The following AEBP1 variants were observed in gnomAD, a reference collection of about 807,000 sequenced individuals.
The protein encoded by AEBP1 is AE binding protein 1, also known as adipocyte enhancer-binding protein 1.
In AEBP1, 69 loss-of-function variants were observed where a neutral mutation model predicts 116.5. The observed-to-expected ratio is 0.59, with a 90% CI of 0.49 to 0.72. The LOEUF (loss-of-function observed/expected upper bound fraction) is 0.72, where lower values mean the gene tolerates loss of function less well. Among genes scored for constraint, AEBP1 ranks in the 30% least tolerant of loss-of-function variants. The pLI is 0.00. For missense variants in AEBP1, 1,444 were observed against 1,557.5 expected (o/e 0.93, Z 1.23); for synonymous variants, 627 against 627.3 (o/e 1.00, Z 0.01).
Position 44,104,611 on chromosome 7 carries a change from C to T in AEBP1, c.-55C>T. The T allele has an allele frequency of 7.8e-7, 1 of 1,277,032 alleles. No homozygotes were observed. Among genetic ancestry groups the T allele is most frequent in the Non-Finnish European group, 1.0e-6 (1 of 976,926 alleles). The allele number at this position is 1,277,032 out of a possible 1,614,324, so 79.1% of individuals were successfully genotyped here. Reference sequence around the variant, plus strand: ...CCCCTCTCCGCCCTTTCCCAGAGACCCAGAGCCCCTGACCCCCCGCGCCCT... The same window carrying T: ...CCCCTCTCCGCCCTTTCCCAGAGACTCAGAGCCCCTGACCCCCCGCGCCCT... On this transcript the variant is annotated 5_prime_UTR_variant, in exon 1 of 21. Coordinates refer to ENST00000223357, the MANE Select transcript of AEBP1 (RefSeq NM_001129.5).
At chr7:44,106,293 T>C (rs551161434) in intron 1 of AEBP1, 11 of 657,666 alleles carry the variant, frequency 1.7e-5, no homozygotes, top group South Asian at 1.4e-4. Context: ...GGCCTCCCCC[T>C]GGGAACTGGG....
intron 9 of AEBP1, 76 bp from the exon 10 acceptor site, chr7:44,109,939 T>G: frequency 1.5e-6 from 2 of 1,367,386 alleles, no homozygotes; most frequent in Non-Finnish European, 1.0e-6. Context: ...GAGTGGGCTC[T>G]GGGCTCCTTG....
rs868702419 is a variant in AEBP1, at chr7:44,111,160, A to G, written c.1637A>G (p.Tyr546Cys). 5.8e-6 allele frequency: 9 copies of G among 1,546,060 alleles called. No homozygotes were observed. Among genetic ancestry groups the G allele is most frequent in the African/African-American group, 4.1e-5 (3 of 73,170 alleles). Residue 546 changes from tyrosine (Y) to cysteine (C), a missense_variant, in exon 14 of 21, where the codon TAC becomes TGC. Physicochemically the swap from Tyr to Cys is radical, Grantham distance 194. Coordinates refer to ENST00000223357, the MANE Select transcript of AEBP1 (RefSeq NM_001129.5). This position sits in a 1 kb window ranked among gnomAD's most constrained non-coding sequence, Gnocchi z 4.7. Reference protein sequence around the residue: ...EVLGCSVAPVYSYYAQNEVVA... With the variant: ...EVLGCSVAPVCSYYAQNEVVA... ...AACCCCGCCTCCCTTGCAGCTGTCT[A>G]CAGCTACTACGCACAGAATGAGGTG...
Position 44,110,264 on chromosome 7 carries a change from A to G in AEBP1, c.1318A>G (p.Arg440Gly), listed in dbSNP as rs1180453014. 1 of 1,613,786 alleles carries G rather than the reference A, an allele frequency of 6.2e-7. No individual in the cohort carries two copies. The highest frequency in any genetic ancestry group is 8.5e-7 in the Non-Finnish European group (1 of 1,180,002). The change falls in exon 11 of 21, where the codon AGG (arginine) becomes GGG (glycine). Residue 440 changes from arginine to glycine, a missense_variant. Coordinates refer to ENST00000223357, the MANE Select transcript of AEBP1 (RefSeq NM_001129.5). ...DGAWCAEDDA[R>G]TQWIEVDTRR... is the part of the protein sequence containing the mutation. ...TGCGTGGTGTGCCGAGGACGATGCC[A>G]GGACCCAGTGGATAGAGGTGGACAC... is the stretch of plus-strand genomic sequence containing the variant.
rs752373864 is a variant in AEBP1, at chr7:44,112,929, G to A, written c.2569+20G>A. The A allele has an allele frequency of 3.7e-6, 6 of 1,611,904 alleles. No homozygotes were observed. The South Asian group carries it at 6.6e-5, about 18-fold the overall frequency. On this transcript the variant is annotated intron_variant, in intron 18 of 20. Transcript: ENST00000223357. The surrounding 1 kb of genome is among the most constrained non-coding windows in gnomAD (Gnocchi z 6.6). ...CCGGGAGTGAGTCAGCCTGGGAGGG[G>A]CTGTGGGCGGGGCCTGGTCCGGAGA... is the stretch of plus-strand genomic sequence containing the variant.
chr7:44,109,609 C>A, intron 9 of AEBP1: 1 of 585,844 alleles, frequency 1.7e-6, no homozygotes. Flanking sequence ...GACCTGGGGC[C>A]TTGGTGGGGA....
rs754947274 is a variant in AEBP1, at chr7:44,110,715, C to T, written c.1401-10C>T. The stretch of plus-strand genomic sequence containing the variant: ...GAAGACCCTTGCTCTGACCACTGTC[C>T]ACTCCACAGTGACGATTTTGTGACC... On this transcript the variant is annotated splice_polypyrimidine_tract_variant and intron_variant, in intron 11 of 20. Coordinates refer to ENST00000223357, the MANE Select transcript of AEBP1 (RefSeq NM_001129.5). 4.0e-6 allele frequency: 6 copies of T among 1,518,926 alleles called. No individual in the cohort carries two copies. The highest frequency in any genetic ancestry group is 1.4e-5 in the African/African-American group (1 of 71,872). The allele number at this position is 1,518,926 out of a possible 1,614,324, so 94.1% of individuals were successfully genotyped here. A position where few individuals can be genotyped will look rare whatever the true frequency, so the allele number is the denominator to read the frequency against.
intron 1 of AEBP1, 81 bp downstream of exon 1, chr7:44,104,999 T>C: frequency 8.6e-7 from 1 of 1,163,780 alleles, no homozygotes; most frequent in Non-Finnish European, 1.2e-6. Context: ...GTCTGGCCAC[T>C]CCCCAGTCTG....
chr7:44,113,887 C>G lies in AEBP1; in HGVS notation c.3103C>G (p.Leu1035Val). 2.5e-6 allele frequency: 4 copies of G among 1,613,332 alleles called. No homozygotes were observed. Among genetic ancestry groups the G allele is most frequent in the Non-Finnish European group, 3.4e-6 (4 of 1,179,962 alleles). Residue 1035 changes from leucine (L) to valine (V), a missense_variant, in exon 21 of 21, where the codon CTG becomes GTG. Leu to Val is a conservative substitution (Grantham distance 32, BLOSUM62 1). Coordinates refer to ENST00000223357, the MANE Select transcript of AEBP1 (RefSeq NM_001129.5). The surrounding 1 kb of genome is among the most constrained non-coding windows in gnomAD (Gnocchi z 5.3). ...HRLRLRAQMR[L>V]RRLNATTTLG... ...CCTGCGGCTTCGGGCACAGATGCGG[C>G]TGCGGCGCCTCAACGCCACCACCAC... is the stretch of plus-strand genomic sequence containing the variant.
In AEBP1 at chr7:44,107,288, A is replaced by C; in HGVS notation, c.596-151A>C. ...AGATGCCAGCAGGATGCTGAAGGCCAGAGGAGCTCAGGCCTCCTTGGAGTG... is the reference window on the plus strand; with the variant it reads ...AGATGCCAGCAGGATGCTGAAGGCCCGAGGAGCTCAGGCCTCCTTGGAGTG... On this transcript the variant is annotated intron_variant, in intron 2 of 20. Coordinates refer to ENST00000223357, the MANE Select transcript of AEBP1 (RefSeq NM_001129.5). This position sits in a 1 kb window ranked among gnomAD's most constrained non-coding sequence, Gnocchi z 4.3. 1 of 725,938 alleles carries C rather than the reference A, an allele frequency of 1.4e-6. No individual in the cohort carries two copies. Among genetic ancestry groups the C allele is most frequent in the Non-Finnish European group, 2.3e-6 (1 of 432,178 alleles). The allele number at this position is 725,938 out of a possible 1,614,324, so 45.0% of individuals were successfully genotyped here. A position where few individuals can be genotyped will look rare whatever the true frequency, so the allele number is the denominator to read the frequency against.
At chr7:44,106,467 T>C (rs951147145) in intron 1 of AEBP1, 79 bp from the exon 2 acceptor site, 1 of 1,382,798 alleles carries the variant, frequency 7.2e-7, no homozygotes, top group Non-Finnish European at 9.8e-7. Flanking sequence ...TGTGCCCAGG[T>C]TCTGGGCATC....
At chr7:44,106,462 C>T (rs1475536523) in intron 1 of AEBP1, 84 bp from the exon 2 acceptor site, 3 of 1,385,838 alleles carry the variant, frequency 2.2e-6, no homozygotes, top group African/African-American at 2.9e-5. Context: ...GTCCCTGTGC[C>T]CAGGTTCTGG....
chr7:44,107,513 G>A lies in AEBP1; in HGVS notation c.667+3G>A, dbSNP rs2096224175. ...GGAGGCACGGGAGCACCAGCCTGGT[G>A]AGTGGCCGTCATCCGCCTGGCCTTG... is the stretch of plus-strand genomic sequence containing the variant. On this transcript the variant is annotated splice_donor_region_variant and intron_variant, in intron 3 of 20. Transcript: ENST00000223357. The surrounding 1 kb of genome is among the most constrained non-coding windows in gnomAD (Gnocchi z 4.3). 1.2e-6 allele frequency: 2 copies of A among 1,613,368 alleles called. No individual in the cohort carries two copies. Among genetic ancestry groups the A allele is most frequent in the Non-Finnish European group, 8.5e-7 (1 of 1,179,992 alleles).
chr7:44,113,108 C>T lies in AEBP1; in HGVS notation c.2687C>T (p.Ala896Val). ...CGCGAGTGGGAGAACAACAAGGAGG[C>T]GCTGCTCACCTTCATGGAGCAGGTG... ...LPREWENNKE[A>V]LLTFMEQVHR... is the part of the protein sequence containing the mutation. The change falls in exon 19 of 21, where the codon GCG becomes GTG. Residue 896 changes from alanine (A) to valine (V), a missense_variant. Transcript: ENST00000223357. This position sits in a 1 kb window ranked among gnomAD's most constrained non-coding sequence, Gnocchi z 5.3. 1.2e-6 allele frequency: 2 copies of T among 1,614,026 alleles called. No homozygotes were observed. Among genetic ancestry groups the T allele is most frequent in the Non-Finnish European group, 8.5e-7 (1 of 1,180,006 alleles).
rs201616121 is a variant in AEBP1 at position 44,110,191 on chromosome 7, C to T, written c.1261-16C>T. On this transcript the variant is annotated splice_polypyrimidine_tract_variant and intron_variant, in intron 10 of 20. Coordinates refer to ENST00000223357, the MANE Select transcript of AEBP1 (RefSeq NM_001129.5). ...ACTCCTCCGCCCATGCTCAGCCTCC[C>T]CTGCCCCCTGGACAGACCGGTGCCA... 2.0e-5 allele frequency: 33 copies of T among 1,613,388 alleles called. No homozygotes were observed. The highest frequency in any genetic ancestry group is 5.0e-5 in the Admixed American group (3 of 60,000).
In AEBP1 at chr7:44,112,169, G is replaced by A; in HGVS notation, c.2065G>A (p.Gly689Arg). 6.2e-7 allele frequency: 1 copy of A among 1,603,202 alleles called. No individual in the cohort carries two copies. Among genetic ancestry groups the A allele is most frequent in the Non-Finnish European group, 8.5e-7 (1 of 1,171,684 alleles). The stretch of plus-strand genomic sequence containing the variant: ...CTCAGAGTTTGGGAACTGGGCGCTG[G>A]GACTGTGGACTGAGGAGGGCTTTGA... ...MGSEFGNWAL[G>R]LWTEEGFDIF... Residue 689 changes from glycine (G) to arginine (R), a missense_variant, in exon 17 of 21, where the codon GGA (glycine) becomes AGA (arginine). Coordinates refer to ENST00000223357, the MANE Select transcript of AEBP1 (RefSeq NM_001129.5). The surrounding 1 kb of genome is among the most constrained non-coding windows in gnomAD (Gnocchi z 6.6).
chr7:44,114,281 C>A lies in AEBP1; in HGVS notation c.*20C>A. ...TTCTGAGATCAGCGTCCTACCAAGACCCCAGCCCAACTCAAGCTACAGCAG... is the reference window on the plus strand; with the variant it reads ...TTCTGAGATCAGCGTCCTACCAAGAACCCAGCCCAACTCAAGCTACAGCAG... On this transcript the variant is annotated 3_prime_UTR_variant, in exon 21 of 21. Coordinates refer to ENST00000223357, the MANE Select transcript of AEBP1 (RefSeq NM_001129.5). 1 of 1,611,184 alleles carries A rather than the reference C, an allele frequency of 6.2e-7. No individual in the cohort carries two copies. Among genetic ancestry groups the A allele is most frequent in the Non-Finnish European group, 8.5e-7 (1 of 1,177,660 alleles).
chr7:44,104,782 G>A lies in AEBP1; in HGVS notation c.117G>A (p.Glu39=). 1 of 1,611,392 alleles carries A rather than the reference G, an allele frequency of 6.2e-7. No homozygotes were observed. The highest frequency in any genetic ancestry group is 8.5e-7 in the Non-Finnish European group (1 of 1,179,444). The part of the protein sequence containing the change: ...LTDDEIEEFL[E]GFLSELEPEP... ...ACGACGAGATCGAGGAGTTCCTCGAGGGCTTCCTGTCAGAGCTAGAACCTG... is the reference window on the plus strand; with the variant it reads ...ACGACGAGATCGAGGAGTTCCTCGAAGGCTTCCTGTCAGAGCTAGAACCTG... Residue 39 remains glutamate, a synonymous_variant, in exon 1 of 21, where the codon GAG becomes GAA. Transcript: ENST00000223357.
At chr7:44,109,978 A>T (rs779730746) in intron 9 of AEBP1, 37 bp from the exon 10 acceptor site, 1 of 1,573,572 alleles carries the variant, frequency 6.4e-7, no homozygotes, top group South Asian at 1.1e-5. Flanking sequence ...GGAAGGATGG[A>T]GCTAGTGAGC....
Sources: allele counts gnomAD v4.1 joint callset, GRCh38; gene constraint gnomAD v4.1.1; non-coding constraint Gnocchi (gnomAD v3.1); transcripts MANE v1.5; gene names NCBI Gene and HGNC (gene_info 2026-07-23, HGNC 2026-07-21).